The following PCDHGA7 variants were observed in gnomAD, a reference collection of about 807,000 sequenced individuals.
The protein encoded by PCDHGA7 is protocadherin gamma-A7.
PCDHGA7 carries 44 observed loss-of-function variants against 58.3 expected under a neutral mutation model. The ratio of observed to expected loss-of-function variants is 0.75; its 90% CI spans 0.59 to 0.97. The LOEUF is 0.97. Among genes scored for constraint, PCDHGA7 ranks in the 50% least tolerant of loss-of-function variants. PCDHGA7 has a pLI of 0.00. For missense variants in PCDHGA7, 1,266 were observed against 1,188.7 expected (o/e 1.06, Z -0.96); for synonymous variants, 516 against 504.2 (o/e 1.02, Z -0.31).
Position 141,487,665 on chromosome 5 carries a change from G to T in PCDHGA7, c.2425-7142G>T, listed in dbSNP as rs373971935. 8.7e-5 allele frequency: 141 copies of T among 1,612,724 alleles called. No individual in the cohort carries two copies. The highest frequency in any genetic ancestry group is 1.1e-4 in the Non-Finnish European group (135 of 1,179,392). On this transcript the variant is annotated intron_variant, in intron 1 of 3. Coordinates refer to ENST00000518325, the MANE Select transcript of PCDHGA7 (RefSeq NM_018920.4). The surrounding 1 kb of genome is among the most constrained non-coding windows in gnomAD (Gnocchi z 5.0). ...ATGCTTGAGGGTTATTCTGATCCAG[G>T]CATATGGCTAGGCCATGTCCTAGAG...
At chr5:141,420,770 T>G (rs1485978181) in intron 1 of PCDHGA7, among the ~76,000 whole-genome samples, 1 of 152,202 alleles carries the variant, frequency 6.6e-6, no homozygotes, top group Non-Finnish European at 1.5e-5. Flanking sequence ...AGTTTTCAGC[T>G]CCAGTAATAT....
At chr5:141,410,961 C>T (rs2095452770) in intron 1 of PCDHGA7, 1 of 178,096 alleles carries the variant, frequency 5.6e-6, no homozygotes, top group African/African-American at 2.5e-5. Flanking sequence ...TCAAGCGATT[C>T]TCCTGCCTCA....
chr5:141,430,750 G>A (rs746434313), intron 1 of PCDHGA7: 2 of 1,500,586 alleles, frequency 1.3e-6, no homozygotes, highest in Non-Finnish European at 1.8e-6. Context: ...AATTCTGGAG[G>A]AAGATAAGAA....
At chr5:141,422,515 AGCCCGC>A in intron 1 of PCDHGA7, 1 of 1,614,044 alleles carries the variant, frequency 6.2e-7, no homozygotes, top group Non-Finnish European at 8.5e-7. Flanking sequence ...AGACCAGGGA[AGCCCGC>A]CTTTGTCTGC....
chr5:141,402,785 CG>C, intron 1 of PCDHGA7: 1 of 904,572 alleles, frequency 1.1e-6, no homozygotes, highest in South Asian at 2.1e-5. Context: ...TCCAGTTCTG[CG>C]GCTACACAAA....
intron 1 of PCDHGA7, chr5:141,389,923 C>T: frequency 6.2e-7 from 1 of 1,614,076 alleles, no homozygotes; most frequent in Non-Finnish European, 8.5e-7. Context: ...CCCGACCCCT[C>T]TGACCTCCAG....
chr5:141,497,385 C>T (rs2154592097), intron 2 of PCDHGA7, among the ~76,000 whole-genome samples: 1 of 152,212 alleles, frequency 6.6e-6, no homozygotes, highest in African/African-American at 2.4e-5. Flanking sequence ...GGGGTGAGCA[C>T]CTTACCCCTG....
Position 141,383,034 on chromosome 5 carries a change from G to A in PCDHGA7, c.135G>A (p.Val45=). Residue 45 remains valine, a synonymous_variant, in exon 1 of 4, where the codon GTG becomes GTA. Coordinates refer to ENST00000518325, the MANE Select transcript of PCDHGA7 (RefSeq NM_018920.4). ...AGGAGACGGACAAAGGGTCCTTTGTGGGAGACATCGCCAAGGACCTGGGGC... is the reference window on the plus strand; with the variant it reads ...AGGAGACGGACAAAGGGTCCTTTGTAGGAGACATCGCCAAGGACCTGGGGC... ...VSEETDKGSF[V]GDIAKDLGLE... 2 of 1,613,860 alleles carry A rather than the reference G, an allele frequency of 1.2e-6. No homozygotes were observed.
intron 1 of PCDHGA7, among the ~76,000 whole-genome samples, chr5:141,445,961 G>C (rs944876169): frequency 6.6e-6 from 1 of 152,158 alleles, no homozygotes; most frequent in Non-Finnish European, 1.5e-5. Flanking sequence ...GCTATATGGA[G>C]AATTGATTTA....
At chr5:141,423,940 G>T in intron 1 of PCDHGA7, 1 of 1,217,216 alleles carries the variant, frequency 8.2e-7, no homozygotes, top group Non-Finnish European at 1.0e-6. Context: ...TTTGAAGTAA[G>T]TTGAATTTTA....
chr5:141,475,705 A>G (rs2099367264), intron 1 of PCDHGA7, among the ~76,000 whole-genome samples: 1 of 152,246 alleles, frequency 6.6e-6, no homozygotes. Flanking sequence ...CAGAACGGCT[A>G]GCCTCACAGC....
At chr5:141,437,011 T>C (rs2097858173) in intron 1 of PCDHGA7, among the ~76,000 whole-genome samples, 1 of 152,236 alleles carries the variant, frequency 6.6e-6, no homozygotes, top group Non-Finnish European at 1.5e-5. Flanking sequence ...GGATCTTAGA[T>C]AATTTCACCA....
At chr5:141,496,050 G>A (rs1232836015) in intron 2 of PCDHGA7, among the ~76,000 whole-genome samples, 2 of 149,892 alleles carry the variant, frequency 1.3e-5, no homozygotes, top group Non-Finnish European at 3.0e-5. Flanking sequence ...ATTTTTTTGT[G>A]CTTGTGGGCA....
Position 141,485,434 on chromosome 5 carries a change from G to T in PCDHGA7, c.2425-9373G>T. The stretch of plus-strand genomic sequence containing the variant: ...TGGACAGCGGAGCCCTGCTCATCAA[G>T]AACCCAATCGACCGAGAGGCACTGT... On this transcript the variant is annotated intron_variant, in intron 1 of 3. Transcript: ENST00000518325. This position sits in a 1 kb window ranked among gnomAD's most constrained non-coding sequence, Gnocchi z 5.7. The T allele has an allele frequency of 6.2e-7, 1 of 1,614,166 alleles. No homozygotes were observed. The highest frequency in any genetic ancestry group is 1.6e-4 in the Middle Eastern group (1 of 6,062).
chr5:141,433,365 A>ATCTG, intron 1 of PCDHGA7: 1 of 523,830 alleles, frequency 1.9e-6, no homozygotes, highest in East Asian at 3.1e-5. Context: ...CTGCCTATCT[A>ATCTG]TCTATCTATC....
chr5:141,494,237 G>A (rs555725765), intron 1 of PCDHGA7, among the ~76,000 whole-genome samples: 3 of 152,312 alleles, frequency 2.0e-5, no homozygotes, highest in East Asian at 3.9e-4. Flanking sequence ...AATTAATAAT[G>A]TATTTAGCTG....
chr5:141,392,968 T>C (rs748824740), intron 1 of PCDHGA7: 1 of 1,613,910 alleles, frequency 6.2e-7, no homozygotes, highest in Non-Finnish European at 8.5e-7. Context: ...TCCAAGGACC[T>C]GGGGCTGGAC....
At chr5:141,423,711 T>C (rs1479409204) in intron 1 of PCDHGA7, 1 of 1,330,004 alleles carries the variant, frequency 7.5e-7, no homozygotes, top group Non-Finnish European at 9.6e-7. Flanking sequence ...GCACAAGTCT[T>C]TTAAGGAGAT....
chr5:141,497,191 A>G (rs2099774633), intron 2 of PCDHGA7, among the ~76,000 whole-genome samples: 1 of 126,864 alleles, frequency 7.9e-6, no homozygotes, highest in Admixed American at 8.3e-5. Context: ...TGAGAGGCAG[A>G]GAACAATGTG....
Sources: gnomAD v4.1 joint callset for allele counts (sites outside exome capture counted in the v4.1 genomes callset) on GRCh38, gnomAD v4.1.1 for gene constraint, Gnocchi (gnomAD v3.1) non-coding constraint, MANE v1.5 for transcripts, NCBI Gene and HGNC (gene_info 2026-07-23, HGNC 2026-07-21) for gene names.